Variants in TNFSF8 observed in about 807,000 individuals in gnomAD.
TNFSF8 encodes TNF superfamily member 8, also known as tumor necrosis factor ligand superfamily member 8.
In TNFSF8, 4 loss-of-function variants were observed where a neutral mutation model predicts 22.0. The observed-to-expected ratio is 0.18, with a 90% CI of 0.09 to 0.42. The LOEUF is 0.42. Ranked by LOEUF, TNFSF8 falls within the 10% of genes least tolerant of loss-of-function variation. TNFSF8 has a pLI of 1.00. For synonymous variants in TNFSF8, 106 were observed against 112.5 expected, an observed-to-expected ratio of 0.94 and a Z score of 0.37; for missense variants, 233 against 281.8, an observed-to-expected ratio of 0.83 and a Z score of 1.24.
At position 114,903,923 on chromosome 9, in the gene TNFSF8, G is replaced by T; in HGVS notation, c.*8C>A. The T allele has an allele frequency of 6.3e-7, 1 of 1,597,652 alleles. No homozygotes were observed. The highest frequency in any genetic ancestry group is 8.5e-7 in the Non-Finnish European group (1 of 1,171,226). ...GGCGCTTTCTTCCTGAAGGCCAAGA[G>T]AAACTGTTCAGTCTGAATTACTGTA... On this transcript the variant is annotated 3_prime_UTR_variant, in exon 4 of 4. Transcript: ENST00000223795.
At chr9:114,913,093 T>A (rs1827872042) in intron 2 of TNFSF8, among the ~76,000 whole-genome samples, 2 of 152,170 alleles carry the variant, frequency 1.3e-5, no homozygotes, top group East Asian at 3.9e-4. Flanking sequence ...GGAAAGTGAA[T>A]TGCTTCAAGT....
chr9:114,927,615 A>T (rs1299391386), intron 1 of TNFSF8, among the ~76,000 whole-genome samples: 1 of 152,212 alleles, frequency 6.6e-6, no homozygotes, highest in African/African-American at 2.4e-5. Context: ...TTGTGGTGTC[A>T]TGGTATCCCT....
intron 1 of TNFSF8, among the ~76,000 whole-genome samples, chr9:114,924,118 G>T (rs1828027240): frequency 1.3e-5 from 2 of 152,136 alleles, no homozygotes; most frequent in Non-Finnish European, 2.9e-5. Context: ...AAACACCAAA[G>T]GGCAAAGGAG....
At chr9:114,923,259 C>A (rs1166342902) in intron 1 of TNFSF8, among the ~76,000 whole-genome samples, 3 of 152,122 alleles carry the variant, frequency 2.0e-5, no homozygotes, top group Admixed American at 2.0e-4. Context: ...TCCTGCTCCT[C>A]CTCCTCCTGC....
intron 1 of TNFSF8, among the ~76,000 whole-genome samples, chr9:114,920,426 T>C (rs1417312948): frequency 6.6e-6 from 1 of 152,202 alleles, no homozygotes; most frequent in African/African-American, 2.4e-5. Context: ...TGGTCTGTGG[T>C]AGGAACTACG....
chr9:114,906,163 T>C (rs1827782340), intron 2 of TNFSF8, among the ~76,000 whole-genome samples: 1 of 152,210 alleles, frequency 6.6e-6, no homozygotes, highest in South Asian at 2.1e-4. Context: ...ATGACATCCA[T>C]TCCTATAATG....
intron 3 of TNFSF8, 32 bp from the exon 4 acceptor site, chr9:114,904,357 T>G: frequency 1.9e-6 from 3 of 1,558,590 alleles, no homozygotes; most frequent in Non-Finnish European, 2.6e-6. Flanking sequence ...ACAGAATTAT[T>G]GAGAAGATTG....
chr9:114,911,133 G>A (rs1306704202), intron 2 of TNFSF8, among the ~76,000 whole-genome samples: 1 of 152,190 alleles, frequency 6.6e-6, no homozygotes. Context: ...ACTTAGCAGA[G>A]TGAATTGGCA....
chr9:114,895,742 A>C (rs990168991), intron 4 of TNFSF8, among the ~76,000 whole-genome samples: 9 of 152,210 alleles, frequency 5.9e-5, no homozygotes, highest in African/African-American at 2.4e-5. Context: ...AGAGTTAGTA[A>C]TTGCTTCAGC....
intron 1 of TNFSF8, among the ~76,000 whole-genome samples, chr9:114,920,820 C>T (rs1207024919): frequency 6.6e-6 from 1 of 152,126 alleles, no homozygotes; most frequent in Non-Finnish European, 1.5e-5. Context: ...AGGGGCCCAC[C>T]ACCACCCCCG....
At chr9:114,900,472 A>G (rs1353846809), downstream of TNFSF8, among the ~76,000 whole-genome samples, 1 of 152,186 alleles carries the variant, frequency 6.6e-6, no homozygotes, top group Non-Finnish European at 1.5e-5. Context: ...TCCAATCTCC[A>G]TTATTTCCCA....
At chr9:114,921,591 A>G (rs1360218533) in intron 1 of TNFSF8, among the ~76,000 whole-genome samples, 6 of 152,264 alleles carry the variant, frequency 3.9e-5, no homozygotes, top group Admixed American at 6.5e-5. Context: ...AAGACTGTTC[A>G]TAAACAGGTA....
intron 1 of TNFSF8, among the ~76,000 whole-genome samples, chr9:114,927,974 T>TA (rs370242479): frequency 6.6e-6 from 1 of 152,200 alleles, no homozygotes; most frequent in African/African-American, 2.4e-5. Flanking sequence ...GATGCTTTTT[T>TA]TTTTCTTGTT....
At chr9:114,925,208 A>G (rs1279343408) in intron 1 of TNFSF8, among the ~76,000 whole-genome samples, 1 of 152,178 alleles carries the variant, frequency 6.6e-6, no homozygotes, top group East Asian at 1.9e-4. Flanking sequence ...AGCAGGCTGG[A>G]CAACATATTC....
intron 2 of TNFSF8, among the ~76,000 whole-genome samples, chr9:114,917,146 T>C (rs1827929566): frequency 6.6e-6 from 1 of 152,216 alleles, no homozygotes; most frequent in East Asian, 1.9e-4. Flanking sequence ...AGGAGCTGTG[T>C]CCAGTCATCT....
intron 2 of TNFSF8, among the ~76,000 whole-genome samples, chr9:114,907,565 G>A (rs1446313684): frequency 6.6e-6 from 1 of 152,058 alleles, no homozygotes; most frequent in Non-Finnish European, 1.5e-5. Context: ...GCAGGATCAG[G>A]CCCAAGCTCC....
chr9:114,916,166 T>G (rs1827915714), intron 2 of TNFSF8, among the ~76,000 whole-genome samples: 2 of 152,174 alleles, frequency 1.3e-5, no homozygotes, highest in Admixed American at 6.5e-5. Flanking sequence ...TATATCAACT[T>G]CATGTTGTAA....
chr9:114,913,256 G>A (rs1827874571), intron 2 of TNFSF8, among the ~76,000 whole-genome samples: 1 of 152,132 alleles, frequency 6.6e-6, no homozygotes, highest in Non-Finnish European at 1.5e-5. Flanking sequence ...GGGCCTCCAG[G>A]AACCTTTGGG....
chr9:114,922,403 A>G (rs1433085232), intron 1 of TNFSF8, among the ~76,000 whole-genome samples: 5 of 152,046 alleles, frequency 3.3e-5, no homozygotes, highest in Non-Finnish European at 7.4e-5. Flanking sequence ...TGCCAAGGAT[A>G]CCTCTTATTT....
Sources: gnomAD v4.1 joint callset for allele counts (sites outside exome capture counted in the v4.1 genomes callset) on GRCh38, gnomAD v4.1.1 for gene constraint, MANE v1.5 for transcripts, NCBI Gene and HGNC (gene_info 2026-07-23, HGNC 2026-07-21) for gene names.